The following GAP43 variants were observed in gnomAD, a reference collection of about 807,000 sequenced individuals.
GAP43 encodes the protein growth associated protein 43.
In GAP43, 6 loss-of-function variants were observed where a neutral mutation model predicts 18.6. The ratio of observed to expected loss-of-function variants is 0.32; its 90% confidence interval spans 0.18 to 0.64. GAP43 has a LOEUF of 0.64. Ranked by LOEUF, GAP43 falls within the 30% of genes least tolerant of loss-of-function variation. GAP43 has a pLI of 0.78. For missense variants in GAP43, 292 were observed against 295.5 expected (o/e 0.99, Z 0.09); for synonymous variants, 115 against 111.4 (o/e 1.03, Z -0.20).
intron 2 of GAP43, among the ~76,000 whole-genome samples, chr3:115,698,070 ATAT>A (rs532233801): frequency 0.15 from 11,203 of 76,814 alleles, 908 homozygotes; most frequent in South Asian, 0.23. Flanking sequence ...TATATATTAT[ATAT>A]AATATATAAA....
At chr3:115,675,452 A>T (rs1024926290) in intron 1 of GAP43, among the ~76,000 whole-genome samples, 6 of 152,286 alleles carry the variant, frequency 3.9e-5, no homozygotes, top group Admixed American at 1.3e-4. Flanking sequence ...GAGCCGGGGA[A>T]AGAAAATACG....
intron 2 of GAP43, among the ~76,000 whole-genome samples, chr3:115,687,257 T>G (rs1709046991): frequency 6.6e-6 from 1 of 152,146 alleles, no homozygotes; most frequent in Non-Finnish European, 1.5e-5. Flanking sequence ...TCAATGCCAA[T>G]CGATCTCATT....
chr3:115,629,920 T>C (rs1242471482), intron 1 of GAP43, among the ~76,000 whole-genome samples: 4 of 152,218 alleles, frequency 2.6e-5, no homozygotes, highest in African/African-American at 9.6e-5. Flanking sequence ...ATTCTTGTTA[T>C]TCACTTATAG....
At chr3:115,629,104 C>T (rs571322659) in intron 1 of GAP43, among the ~76,000 whole-genome samples, 52 of 152,234 alleles carry the variant, frequency 3.4e-4, no homozygotes, top group African/African-American at 1.2e-3. Flanking sequence ...TTTCTAAATC[C>T]TTTGATTCCT....
chr3:115,658,424 G>GT (rs1708614123), intron 1 of GAP43: 1 of 152,248 alleles, frequency 6.6e-6, no homozygotes, highest in African/African-American at 2.4e-5. Flanking sequence ...CCCTTTTCGC[G>GT]TCTCATTTTC....
chr3:115,674,487 A>G (rs1373370564), intron 1 of GAP43, among the ~76,000 whole-genome samples: 2 of 152,186 alleles, frequency 1.3e-5, no homozygotes, highest in African/African-American at 4.8e-5. Flanking sequence ...TAGGCTACAA[A>G]TGTTGCCATC....
At chr3:115,647,517 C>T (rs143864473) in intron 1 of GAP43, among the ~76,000 whole-genome samples, 265 of 151,704 alleles carry the variant, frequency 1.7e-3, no homozygotes, top group African/African-American at 5.8e-3. Flanking sequence ...CAGGAGGAGG[C>T]AAGGGAAACT....
chr3:115,662,573 C>G (rs1418136809), intron 1 of GAP43, among the ~76,000 whole-genome samples: 1 of 152,092 alleles, frequency 6.6e-6, no homozygotes, highest in Non-Finnish European at 1.5e-5. Flanking sequence ...TAATTCTGAG[C>G]TGATACAGTA....
intron 1 of GAP43, among the ~76,000 whole-genome samples, chr3:115,627,447 G>T (rs1018193535): frequency 6.6e-6 from 1 of 151,758 alleles, no homozygotes. Context: ...CCTGTTCACC[G>T]AGAGGGAGAG....
chr3:115,664,055 A>G (rs547710770), intron 1 of GAP43: 5 of 783,688 alleles, frequency 6.4e-6, no homozygotes, highest in Non-Finnish European at 1.0e-5. Context: ...CATCTGTAAG[A>G]TAATAGTACC....
At chr3:115,696,590 C>CCCCA (rs1228543478) in intron 2 of GAP43, among the ~76,000 whole-genome samples, 2 of 129,146 alleles carry the variant, frequency 1.5e-5, no homozygotes, top group African/African-American at 6.0e-5. Flanking sequence ...CCCCCCCCCC[C>CCCCA]ACAAACAGGT....
chr3:115,664,017 TA>T, intron 1 of GAP43: 3 of 1,084,862 alleles, frequency 2.8e-6, no homozygotes, highest in Non-Finnish European at 2.7e-6. Flanking sequence ...CTTAATTACT[TA>T]ACTAATGTCC....
chr3:115,662,926 G>A (rs979547302), intron 1 of GAP43, among the ~76,000 whole-genome samples: 9 of 152,088 alleles, frequency 5.9e-5, no homozygotes, highest in Non-Finnish European at 1.0e-4. Context: ...ATCCCTGAAC[G>A]CAGGTTCATA....
rs1332795763 is a variant in GAP43 at position 115,644,687 on chromosome 3, A to G, written c.30+20968A>G. ...TCTTTTCTCAGCATCAGTGATTTAT[A>G]AATAGAGAAATTTTTAAAAATGAAT... is the stretch of plus-strand genomic sequence containing the variant. On this transcript the variant is annotated intron_variant, in intron 1 of 2. Transcript: ENST00000305124. The surrounding 1 kb of genome is among the most constrained non-coding windows in gnomAD (Gnocchi z 4.2). Among the ~76,000 whole-genome samples, 3 of 152,072 alleles carry G rather than the reference A, an allele frequency of 2.0e-5. No individual in the cohort carries two copies. The highest frequency in any genetic ancestry group is 4.4e-5 in the Non-Finnish European group (3 of 67,974).
At chr3:115,658,601 G>C (rs1337194006) in intron 1 of GAP43, 2 of 152,086 alleles carry the variant, frequency 1.3e-5, no homozygotes, top group African/African-American at 4.8e-5. Flanking sequence ...GCAGGGCGTG[G>C]CGCGGCCTCC....
chr3:115,630,417 A>G (rs113586637), intron 1 of GAP43, among the ~76,000 whole-genome samples: 1,544 of 152,276 alleles, frequency 0.01, 25 homozygotes, highest in African/African-American at 0.036. Context: ...GAATGTTAGT[A>G]CCAGATGAAT....
chr3:115,639,476 G>C (rs959872289), intron 1 of GAP43, among the ~76,000 whole-genome samples: 1 of 151,936 alleles, frequency 6.6e-6, no homozygotes, highest in Non-Finnish European at 1.5e-5. Flanking sequence ...TGTATCTTCT[G>C]GTACTCCTCC....
At chr3:115,629,476 A>G (rs375287022) in intron 1 of GAP43, among the ~76,000 whole-genome samples, 126 of 142,864 alleles carry the variant, frequency 8.8e-4, no homozygotes, top group African/African-American at 3.0e-3. Context: ...CTTGTACTCC[A>G]CTCTCTGCCC....
intron 2 of GAP43, among the ~76,000 whole-genome samples, chr3:115,686,812 T>A (rs1304376415): frequency 6.6e-6 from 1 of 152,200 alleles, no homozygotes; most frequent in Non-Finnish European, 1.5e-5. Context: ...AGGGTTCAGA[T>A]TGATTTGCAA....
Sources: gnomAD v4.1 joint callset for allele counts (sites outside exome capture counted in the v4.1 genomes callset) on GRCh38, gnomAD v4.1.1 for gene constraint, Gnocchi (gnomAD v3.1) non-coding constraint, MANE v1.5 for transcripts, NCBI Gene and HGNC (gene_info 2026-07-23, HGNC 2026-07-21) for gene names.